PRSS56: variants seen among roughly 807,000 people sequenced by gnomAD.
The protein encoded by PRSS56 is serine protease 56, also known as protease, serine 56.
A neutral mutation model predicts 66.8 loss-of-function variants in PRSS56; 55 were observed. That is an observed-to-expected ratio of 0.82 (90% CI 0.66 to 1.03). The LOEUF (loss-of-function observed/expected upper bound fraction) is 1.03, where lower values mean the gene tolerates loss of function less well. Ranked by LOEUF, PRSS56 falls within the 50% of genes least tolerant of loss-of-function variation. The pLI, the probability that PRSS56 is intolerant of heterozygous loss-of-function variation, is 0.00. For synonymous variants in PRSS56, 409 were observed against 387.9 expected (o/e 1.05, Z -0.64); for missense variants, 869 against 837.2 (o/e 1.04, Z -0.47).
At chr2:232,521,128 G>A (rs1481265170) in intron 1 of PRSS56, among the ~76,000 whole-genome samples, 193 bp from the exon 2 acceptor site, 1 of 152,220 alleles carries the variant, frequency 6.6e-6, no homozygotes, top group Non-Finnish European at 1.5e-5. Context: ...GTTGAATTAG[G>A]GAGACATCTT....
At chr2:232,521,704 G>T in intron 2 of PRSS56, 112 bp from the exon 3 acceptor site, 1 of 1,086,396 alleles carries the variant, frequency 9.2e-7, no homozygotes, top group Non-Finnish European at 1.3e-6. Context: ...AACCCGTGTG[G>T]GCTGGAGGGC....
chr2:232,522,811 C>T lies in PRSS56; in HGVS notation c.656C>T (p.Pro219Leu). ...TGCCTGCCCCAGGAGCCCCAGGAGC[C>T]CCCTGCCGGAACCGCCTGCGCCATC... ...PVCLPQEPQE[P>L]PAGTACAIAG... Residue 219 changes from proline (P) to leucine (L), a missense_variant, in exon 6 of 13, where the codon CCC (proline) becomes CTC (leucine). Physicochemically the swap from Pro to Leu is moderately conservative, Grantham distance 98 (BLOSUM62 -3). Coordinates refer to ENST00000617714, the MANE Select transcript of PRSS56 (RefSeq NM_001195129.2). The T allele has an allele frequency of 6.7e-7, 1 of 1,498,166 alleles. No individual in the cohort carries two copies. The highest frequency in any genetic ancestry group is 8.9e-7 in the Non-Finnish European group (1 of 1,124,254). The allele number at this position is 1,498,166 out of a possible 1,614,324, so 92.8% of individuals were successfully genotyped here. A position where few individuals can be genotyped will look rare whatever the true frequency, so the allele number is the denominator to read the frequency against.
intron 3 of PRSS56, 51 bp downstream of exon 3, chr2:232,521,917 G>A (rs1190753551): frequency 1.3e-6 from 2 of 1,526,632 alleles, no homozygotes; most frequent in Non-Finnish European, 1.8e-6. Flanking sequence ...GGTGGGCCTC[G>A]AAGGCGAGGA....
chr2:232,524,717 G>A (rs560474121), intron 11 of PRSS56, 21 bp from the exon 12 acceptor site: 1 of 1,491,854 alleles, frequency 6.7e-7, no homozygotes, highest in Admixed American at 2.1e-5. Context: ...ATTATTCCCG[G>A]GGCCTCTCCT....
intron 6 of PRSS56, 23 bp from the exon 7 acceptor site, chr2:232,523,037 A>T (rs1241244478): frequency 6.5e-7 from 1 of 1,532,556 alleles, no homozygotes; most frequent in African/African-American, 1.4e-5. Flanking sequence ...TCCAAACCTG[A>T]GCCTTCCACC....
chr2:232,524,968 C>A, intron 12 of PRSS56, 124 bp downstream of exon 12: 1 of 869,012 alleles, frequency 1.2e-6, no homozygotes, highest in Non-Finnish European at 1.7e-6. Context: ...TCTGCCCCAG[C>A]TCTGGGGGTA....
chr2:232,521,156 G>T (rs1691267053), intron 1 of PRSS56, among the ~76,000 whole-genome samples, 165 bp from the exon 2 acceptor site: 1 of 152,266 alleles, frequency 6.6e-6, no homozygotes, highest in Non-Finnish European at 1.5e-5. Context: ...GAACCTGGGA[G>T]CACGGGCTCT....
At position 232,525,390 on chromosome 2, in the gene PRSS56, G is replaced by T. The variant is rs1165165862; in HGVS notation, c.1696G>T (p.Ala566Ser). 2.0e-6 allele frequency: 3 copies of T among 1,533,990 alleles called. No individual in the cohort carries two copies. The highest frequency in any genetic ancestry group is 2.7e-5 in the African/African-American group (2 of 72,982). The change falls in exon 13 of 13, where the codon GCC becomes TCC. Residue 566 changes from alanine (A) to serine (S), a missense_variant. Ala to Ser is a moderately conservative substitution (Grantham distance 99, BLOSUM62 1). Coordinates refer to ENST00000617714, the MANE Select transcript of PRSS56 (RefSeq NM_001195129.2). ...GGCCCTGCAGGCCTTCCGCGTGGCT[G>T]CCCTGGCAGAAGGGGAGCCCGAGGG... ...VQALQAFRVA[A>S]LAEGEPEGPW... is the part of the protein sequence containing the mutation.
In PRSS56 at chr2:232,524,371, T is replaced by C. The variant is rs1353197682; in HGVS notation, c.1414+2T>C. ...CGGAGCCGCGCGGAGAAGCCAACGG[T>C]AATGACGCCCCCTGCCGACCTTCAG... is the stretch of plus-strand genomic sequence containing the variant. On this transcript the variant is annotated splice_donor_variant, in intron 11 of 12. Coordinates refer to ENST00000617714, the MANE Select transcript of PRSS56 (RefSeq NM_001195129.2). LOFTEE classifies it high-confidence loss of function. The C allele has an allele frequency of 2.0e-6, 3 of 1,534,732 alleles. No homozygotes were observed. The highest frequency in any genetic ancestry group is 2.6e-6 in the Non-Finnish European group (3 of 1,146,464).
chr2:232,521,585 G>A (rs562158112), intron 2 of PRSS56, among the ~76,000 whole-genome samples, 157 bp downstream of exon 2: 64 of 152,348 alleles, frequency 4.2e-4, no homozygotes, highest in Non-Finnish European at 7.3e-4. Flanking sequence ...CTGTCTCTCC[G>A]AGTGGAAAGG....
Position 232,525,392 on chromosome 2 carries a change from C to G in PRSS56, c.1698C>G (p.Ala566=). ...VQALQAFRVA[A]LAEGEPEGPW... ...CCCTGCAGGCCTTCCGCGTGGCTGCCCTGGCAGAAGGGGAGCCCGAGGGAC... is the reference window on the plus strand; with the variant it reads ...CCCTGCAGGCCTTCCGCGTGGCTGCGCTGGCAGAAGGGGAGCCCGAGGGAC... The change falls in exon 13 of 13, where the codon GCC becomes GCG. Residue 566 remains alanine, a synonymous_variant. Transcript: ENST00000617714. 6.5e-7 allele frequency: 1 copy of G among 1,534,096 alleles called. No homozygotes were observed. Among genetic ancestry groups the G allele is most frequent in the African/African-American group, 1.4e-5 (1 of 73,102 alleles).
chr2:232,522,467 G>T (rs1282995725), intron 4 of PRSS56, 48 bp from the exon 5 acceptor site: 7 of 1,451,982 alleles, frequency 4.8e-6, no homozygotes, highest in South Asian at 1.3e-5. Flanking sequence ...GGGGCCTGCG[G>T]GGTGTGCCCC....
At position 232,525,203 on chromosome 2, in the gene PRSS56, C is replaced by T; in HGVS notation, c.1522-13C>T. 2.1e-6 allele frequency: 3 copies of T among 1,460,740 alleles called. No individual in the cohort carries two copies. The highest frequency in any genetic ancestry group is 2.7e-6 in the Non-Finnish European group (3 of 1,108,616). The allele number at this position is 1,460,740 out of a possible 1,614,324, so 90.5% of individuals were successfully genotyped here. On this transcript the variant is annotated splice_polypyrimidine_tract_variant and intron_variant, in intron 12 of 12. Transcript: ENST00000617714. ...AGTTTCTGGGCCCCTGATCCCCACT[C>T]CTCCATCTGTAGGTCCTGGCAGATC...
rs2106201382 is a variant in PRSS56 at position 232,522,857 on chromosome 2, C to T, written c.702C>T (p.Phe234=). The part of the protein sequence containing the change: ...ACAIAGWGAL[F]EDGPEAEAVR... The stretch of plus-strand genomic sequence containing the variant: ...CCATCGCGGGCTGGGGCGCCCTCTT[C>T]GAAGGTACTGGGCGTGGGTGAGCCG... The change falls in exon 6 of 13, where the codon TTC becomes TTT. Residue 234 remains phenylalanine, a synonymous_variant. Transcript: ENST00000617714. 6.8e-7 allele frequency: 1 copy of T among 1,463,964 alleles called. No individual in the cohort carries two copies. The highest frequency in any genetic ancestry group is 2.5e-5 in the East Asian group (1 of 39,946). 90.7% of individuals were successfully genotyped at this position (1,463,964 alleles called of 1,614,324 possible).
rs1160394872 is a variant in PRSS56 at position 232,522,582 on chromosome 2, G to T, written c.514G>T (p.Val172Leu). 6.5e-7 allele frequency: 1 copy of T among 1,535,106 alleles called. No homozygotes were observed. Among genetic ancestry groups the T allele is most frequent in the Non-Finnish European group, 8.7e-7 (1 of 1,146,456 alleles). ...EGSRGEQAEEVPVNRILPHPK... is the reference protein window; with the variant it reads ...EGSRGEQAEELPVNRILPHPK... ...GTCCCGGGGGGAGCAAGCGGAGGAG[G>T]TGCCAGTGAACCGCATCCTGCCCCA... The change falls in exon 5 of 13, where the codon GTG becomes TTG. Residue 172 changes from valine (V) to leucine (L), a missense_variant. Physicochemically the swap from Val to Leu is conservative, Grantham distance 32. This residue lies in a region of PRSS56 where 315 missense variants were observed against 313.7 expected (regional missense o/e 1.00). Coordinates refer to ENST00000617714, the MANE Select transcript of PRSS56 (RefSeq NM_001195129.2).
chr2:232,522,527 G>C lies in PRSS56; in HGVS notation c.459G>C (p.Glu153Asp), dbSNP rs1320130374. The C allele has an allele frequency of 7.2e-6, 11 of 1,532,422 alleles. No individual in the cohort carries two copies. Among genetic ancestry groups the C allele is most frequent in the Non-Finnish European group, 9.6e-6 (11 of 1,145,384 alleles). The allele number at this position is 1,532,422 out of a possible 1,614,324, so 94.9% of individuals were successfully genotyped here. The change falls in exon 5 of 13, where the codon GAG becomes GAC. Residue 153 changes from glutamate to aspartate, a missense_variant. Around this residue, in one of 3 missense-constraint regions of PRSS56, gnomAD observed 315 missense variants for 313.7 expected, o/e 1.00. Transcript: ENST00000617714. ...AAHCFVGAPN[E>D]LLWTVTLAEG... ...GCTCGACCCGCAGCGCCCCGAATGA[G>C]CTTCTGTGGACTGTGACGCTGGCAG...
intron 1 of PRSS56, among the ~76,000 whole-genome samples, chr2:232,520,982 G>A (rs923872191): frequency 2.6e-5 from 4 of 152,186 alleles, no homozygotes; most frequent in Non-Finnish European, 2.9e-5. Context: ...TGGCTGTCCC[G>A]GCCGAAGGTG....
chr2:232,525,555 G>A lies in PRSS56; in HGVS notation c.*49G>A. 7.1e-7 allele frequency: 1 copy of A among 1,404,356 alleles called. No homozygotes were observed. The highest frequency in any genetic ancestry group is 9.3e-7 in the Non-Finnish European group (1 of 1,076,850). The allele number at this position is 1,404,356 out of a possible 1,614,324, so 87.0% of individuals were successfully genotyped here. ...TGGGGAGGACCTACTGCTCCCAGGG[G>A]CTGAGAGGGGTTCGGGAGCATAATG... On this transcript the variant is annotated 3_prime_UTR_variant, in exon 13 of 13. Transcript: ENST00000617714.
Position 232,520,661 on chromosome 2 carries a change from A to G in PRSS56, c.63A>G (p.Pro21=), listed in dbSNP as rs1178992882. The G allele has an allele frequency of 2.6e-6, 4 of 1,535,768 alleles. No individual in the cohort carries two copies. Among genetic ancestry groups the G allele is most frequent in the Non-Finnish European group, 3.5e-6 (4 of 1,146,766 alleles). ...GCTCATGGTTTGCCCACGGGCACCCACTGTACACACGCCTGCCCCCCAGCG... is the reference window on the plus strand; with the variant it reads ...GCTCATGGTTTGCCCACGGGCACCCGCTGTACACACGCCTGCCCCCCAGCG... ...LPSSWFAHGH[P]LYTRLPPSAL... is the part of the protein sequence containing the mutation. The change falls in exon 1 of 13, where the codon CCA becomes CCG. Residue 21 remains proline, a synonymous_variant. Transcript: ENST00000617714.
Sources: allele counts gnomAD v4.1 joint callset (sites outside exome capture counted in the v4.1 genomes callset), GRCh38; gene constraint gnomAD v4.1.1; regional missense constraint gnomAD v4.1.1; transcripts MANE v1.5; gene names NCBI Gene and HGNC (gene_info 2026-07-23, HGNC 2026-07-21).